The following NFIB variants were observed in gnomAD, a reference collection of about 807,000 sequenced individuals.
NFIB encodes nuclear factor I B.
NFIB carries 11 observed loss-of-function variants against 61.5 expected under a neutral mutation model. The observed-to-expected ratio is 0.18, with a 90% CI of 0.11 to 0.30. The LOEUF is 0.30. Among genes scored for constraint, NFIB ranks in the 10% least tolerant of loss-of-function variants. The probability of loss-of-function intolerance (pLI) is 1.00; values close to 1 mark genes in which losing one functional copy is unlikely to be tolerated. For synonymous variants in NFIB, 260 were observed against 216.5 expected, an observed-to-expected ratio of 1.20 and a Z score of -1.76; for missense variants, 471 against 608.9, an observed-to-expected ratio of 0.77 and a Z score of 2.38.
chr9:14,439,285 C>T, the NFIB span, among the ~76,000 whole-genome samples: 2 of 152,154 alleles, frequency 1.3e-5, no homozygotes, highest in Middle Eastern at 3.4e-3. Context: ...TGGGAGGATC[C>T]CTTGAGCCCA....
intron 6 of NFIB, among the ~76,000 whole-genome samples, chr9:14,133,177 T>C (rs2040603339): frequency 6.6e-6 from 1 of 152,192 alleles, no homozygotes; most frequent in South Asian, 2.1e-4. Flanking sequence ...TAGACTTTCA[T>C]AGATTTTTTT....
chr9:14,443,477 C>T, the NFIB span, among the ~76,000 whole-genome samples: 5 of 152,296 alleles, frequency 3.3e-5, no homozygotes, highest in African/African-American at 7.2e-5. Flanking sequence ...TCACCTATCT[C>T]AGGTAAAGGC....
the NFIB span, among the ~76,000 whole-genome samples, chr9:14,481,682 G>T: frequency 6.6e-6 from 1 of 152,000 alleles, no homozygotes; most frequent in Non-Finnish European, 1.5e-5. Flanking sequence ...GGCCACTCCT[G>T]GTTCCATTCA....
At chr9:14,413,288 A>G in the NFIB span, among the ~76,000 whole-genome samples, 410 of 152,276 alleles carry the variant, frequency 2.7e-3, no homozygotes, top group Middle Eastern at 6.8e-3. Flanking sequence ...GCATATTTAA[A>G]TAACTTCTAC....
chr9:14,311,779 T>C (rs1382861259), intron 1 of NFIB, among the ~76,000 whole-genome samples: 2 of 152,220 alleles, frequency 1.3e-5, no homozygotes, highest in African/African-American at 4.8e-5. Flanking sequence ...TGCACAATTA[T>C]TCAATCTTTT....
intron 1 of NFIB, among the ~76,000 whole-genome samples, chr9:14,350,568 C>G (rs902551581): frequency 2.6e-5 from 4 of 152,040 alleles, no homozygotes; most frequent in African/African-American, 9.7e-5. Flanking sequence ...TACCGTTATT[C>G]CAGATCTCTC....
chr9:14,437,841 C>T, the NFIB span, among the ~76,000 whole-genome samples: 1 of 152,224 alleles, frequency 6.6e-6, no homozygotes, highest in Non-Finnish European at 1.5e-5. Context: ...GGATCCATCA[C>T]TGGGCTGGAG....
chr9:14,500,600 T>C, the NFIB span, among the ~76,000 whole-genome samples: 1 of 152,198 alleles, frequency 6.6e-6, no homozygotes. Context: ...ACTGATTTAA[T>C]ATTTCATTTA....
At chr9:14,160,913 C>G (rs544328346) in intron 3 of NFIB, among the ~76,000 whole-genome samples, 1 of 150,478 alleles carries the variant, frequency 6.6e-6, no homozygotes, top group Non-Finnish European at 1.5e-5. Context: ...CCTTCTTACA[C>G]AGATGTTTTC....
At chr9:14,393,361 C>T (rs189426377) in intron 1 of NFIB, among the ~76,000 whole-genome samples, 174 of 152,286 alleles carry the variant, frequency 1.1e-3, no homozygotes, top group Non-Finnish European at 2.0e-3. Context: ...CTTAAACTTG[C>T]ATTCCTTCTA....
chr9:14,228,827 C>A (rs973076997), intron 2 of NFIB, among the ~76,000 whole-genome samples: 1 of 151,940 alleles, frequency 6.6e-6, no homozygotes, highest in Admixed American at 6.5e-5. Context: ...TTCACATGAA[C>A]CCAAACCAAA....
chr9:14,307,355 G>A lies in NFIB; in HGVS notation c.196C>T (p.Pro66Ser), dbSNP rs140030018. 1.0e-3 allele frequency: 1,656 copies of A among 1,613,944 alleles called. 23 individuals are homozygous for A. In the South Asian group the frequency reaches 0.016, roughly 16 times the overall value. Residue 66 changes from proline (P) to serine (S), a missense_variant, in exon 2 of 11, where the codon CCT (proline) becomes TCT (serine). By Grantham distance (74) the Pro-to-Ser change is moderately conservative. This residue lies in a region of NFIB where 99 missense variants were observed against 213.3 expected (regional missense o/e 0.46). Transcript: ENST00000380953. The surrounding 1 kb of genome is among the most constrained non-coding windows in gnomAD (Gnocchi z 5.3). ...GATGCCCACTTCTGTTTGATTTCAG[G>A]CTTTTCACTGAGAAGCTCATCTTTG... ...AVKDELLSEK[P>S]EIKQKWASRL... is the part of the protein sequence containing the mutation.
At chr9:14,452,210 C>G in the NFIB span, among the ~76,000 whole-genome samples, 4 of 152,118 alleles carry the variant, frequency 2.6e-5, no homozygotes, top group East Asian at 5.8e-4. Flanking sequence ...AGGTAACACA[C>G]GGAGGGGTGG....
intron 3 of NFIB, among the ~76,000 whole-genome samples, chr9:14,174,766 C>CA (rs546288962): frequency 0.017 from 923 of 55,472 alleles, 6 homozygotes; most frequent in East Asian, 0.13. Context: ...GACTCCATCT[C>CA]AAAAAAAAAA....
At position 14,085,724 on chromosome 9, in the gene NFIB, C is replaced by G. The variant is rs2032769304; in HGVS notation, c.*2585G>C. ...AAAAAAAATCCAAGTGCACTGCCAT[C>G]CATTTGAAGTAGTAAGTCACAGGTA... On this transcript the variant is annotated 3_prime_UTR_variant, in exon 11 of 11. Transcript: ENST00000380953. 1 of 219,690 alleles carries G rather than the reference C, an allele frequency of 4.6e-6. No homozygotes were observed. The highest frequency in any genetic ancestry group is 5.8e-5 in the Admixed American group (1 of 17,210). The allele number at this position is 219,690 out of a possible 1,614,324, so 13.6% of individuals were successfully genotyped here. A position where few individuals can be genotyped will look rare whatever the true frequency, so the allele number is the denominator to read the frequency against.
chr9:14,326,524 A>G (rs1588313972), intron 1 of NFIB, among the ~76,000 whole-genome samples: 1 of 152,146 alleles, frequency 6.6e-6, no homozygotes, highest in African/African-American at 2.4e-5. Flanking sequence ...TTCTAACATA[A>G]TAAATCTCAA....
intron 2 of NFIB, among the ~76,000 whole-genome samples, chr9:14,304,185 C>A (rs2132674918): frequency 6.6e-6 from 1 of 152,294 alleles, no homozygotes; most frequent in South Asian, 2.1e-4. Flanking sequence ...TGTCAAAGCT[C>A]TGGTAACTCT....
intron 7 of NFIB, among the ~76,000 whole-genome samples, chr9:14,123,187 G>A (rs2130863043): frequency 6.6e-6 from 1 of 151,106 alleles, no homozygotes; most frequent in Non-Finnish European, 1.5e-5. Context: ...AACCTGGGAG[G>A]CAGAGGTTGC....
chr9:14,086,140 A>C lies in NFIB; in HGVS notation c.*2169T>G. 4.5e-6 allele frequency: 1 copy of C among 224,324 alleles called. No homozygotes were observed. The allele number at this position is 224,324 out of a possible 1,614,324, so 13.9% of individuals were successfully genotyped here. ...AGAGAGGGGAACCTGTGTAAGTTGA[A>C]GTTTGTCACAGTAGGCAGAACAGTC... On this transcript the variant is annotated 3_prime_UTR_variant, in exon 11 of 11. Transcript: ENST00000380953.
Sources: gnomAD v4.1 joint callset for allele counts (sites outside exome capture counted in the v4.1 genomes callset) on GRCh38, gnomAD v4.1.1 for gene constraint, gnomAD v4.1.1 regional missense constraint, Gnocchi (gnomAD v3.1) non-coding constraint, MANE v1.5 for transcripts, NCBI Gene and HGNC (gene_info 2026-07-23, HGNC 2026-07-21) for gene names.